Variants in CFTR observed in about 807,000 individuals in gnomAD.
CFTR encodes the protein CF transmembrane conductance regulator.
A neutral mutation model predicts 171.6 loss-of-function variants in CFTR; 181 were observed. That is an observed-to-expected ratio of 1.05 (90% CI 0.93 to 1.19). The LOEUF is 1.19. Ranked by LOEUF, CFTR falls within the 50% of genes most tolerant of loss-of-function variation. The probability of loss-of-function intolerance (pLI) is 0.00; values close to 1 mark genes in which losing one functional copy is unlikely to be tolerated. For missense variants in CFTR, 1,968 were observed against 1,734.7 expected, an observed-to-expected ratio of 1.13 and a Z score of -2.39; for synonymous variants, 583 against 608.0, an observed-to-expected ratio of 0.96 and a Z score of 0.60.
intron 23 of CFTR, among the ~76,000 whole-genome samples, chr7:117,648,459 C>T (rs1793031400): frequency 1.3e-5 from 2 of 152,018 alleles, no homozygotes; most frequent in Admixed American, 6.6e-5. Context: ...AGTAATGGTG[C>T]TCTTATTTTT....
At chr7:117,524,609 T>G (rs894000530) in intron 3 of CFTR, among the ~76,000 whole-genome samples, 1 of 152,218 alleles carries the variant, frequency 6.6e-6, no homozygotes, top group Non-Finnish European at 1.5e-5. Context: ...TACATTTTCC[T>G]AATTTAAAAA....
chr7:117,664,627 A>T, intron 24 of CFTR, 61 bp from the exon 25 acceptor site: 1 of 1,469,950 alleles, frequency 6.8e-7, no homozygotes, highest in Non-Finnish European at 9.5e-7. Flanking sequence ...TTATTTTTAG[A>T]ATGTCAACTG....
intron 20 of CFTR, among the ~76,000 whole-genome samples, chr7:117,613,445 C>T (rs2116092588): frequency 6.6e-6 from 1 of 152,224 alleles, no homozygotes. Context: ...ACTATCTAAG[C>T]CCCTCATTTT....
intron 22 of CFTR, among the ~76,000 whole-genome samples, chr7:117,635,730 A>G (rs1216051126): frequency 6.6e-6 from 1 of 152,070 alleles, no homozygotes; most frequent in Non-Finnish European, 1.5e-5. Flanking sequence ...AGTACCTTTT[A>G]ATAATAAAAC....
chr7:117,624,996 G>A (rs1399281831), intron 21 of CFTR, among the ~76,000 whole-genome samples: 2 of 152,128 alleles, frequency 1.3e-5, no homozygotes, highest in Non-Finnish European at 2.9e-5. Flanking sequence ...ACAAGGAATT[G>A]GTTAGTAATT....
intron 8 of CFTR, among the ~76,000 whole-genome samples, chr7:117,540,778 G>A (rs946585190): frequency 6.6e-6 from 1 of 151,066 alleles, no homozygotes; most frequent in Non-Finnish European, 1.5e-5. Context: ...TGAGAGAGAA[G>A]GGTGAGCCAC....
At position 117,668,134 on chromosome 7, in the gene CFTR, AAG is replaced by A. The variant is rs139314714; in HGVS notation, c.*1032_*1033del. On this transcript the variant is annotated 3_prime_UTR_variant, in exon 27 of 27. Transcript: ENST00000003084. ...GTATGTACTTCATGCTGTCTACACT[AAG>A]AGAGAATGAGAGACACACTGAAGAA... The A allele has an allele frequency of 2.4e-4, 36 of 152,298 alleles. No homozygotes were observed. The highest frequency in any genetic ancestry group is 6.7e-4 in the African/African-American group (28 of 41,556). The allele number at this position is 152,298 out of a possible 1,614,324, so 9.4% of individuals were successfully genotyped here.
At chr7:117,494,742 T>C (rs1354888698) in intron 1 of CFTR, among the ~76,000 whole-genome samples, 1 of 152,094 alleles carries the variant, frequency 6.6e-6, no homozygotes, top group Non-Finnish European at 1.5e-5. Flanking sequence ...ATGGAATAAT[T>C]ATAAAATAAA....
intron 3 of CFTR, among the ~76,000 whole-genome samples, chr7:117,529,611 T>C (rs868615599): frequency 3.3e-5 from 5 of 151,942 alleles, no homozygotes; most frequent in Admixed American, 1.3e-4. Context: ...AAGCACAGAA[T>C]GAGCAGCTAC....
At chr7:117,543,364 G>A (rs1449953762) in intron 9 of CFTR, among the ~76,000 whole-genome samples, 1 of 152,094 alleles carries the variant, frequency 6.6e-6, no homozygotes, top group Non-Finnish European at 1.5e-5. Flanking sequence ...GTCTTCGTCG[G>A]CATGAAGGAA....
rs1800098 is a variant in CFTR at position 117,590,400 on chromosome 7, G to C, written c.1727G>C (p.Gly576Ala). 6.8e-3 allele frequency: 10,905 copies of C among 1,602,812 alleles called. 52 individuals carry two copies. Among genetic ancestry groups the C allele is most frequent in the Non-Finnish European group, 8.3e-3 (9,706 of 1,172,048 alleles). ...ADLYLLDSPF[G>A]YLDVLTEKEI... ...TTGTATTTATTAGACTCTCCTTTTG[G>C]ATACCTAGATGTTTTAACAGAAAAA... Residue 576 changes from glycine (G) to alanine (A), a missense_variant, in exon 13 of 27, where the codon GGA becomes GCA. Coordinates refer to ENST00000003084, the MANE Select transcript of CFTR (RefSeq NM_000492.4).
chr7:117,617,958 C>G (rs1426311562), intron 21 of CFTR, among the ~76,000 whole-genome samples: 1 of 152,116 alleles, frequency 6.6e-6, no homozygotes, highest in Non-Finnish European at 1.5e-5. Context: ...CCCCATAACT[C>G]AGGATCAACA....
At chr7:117,612,511 T>C (rs1380023762) in intron 20 of CFTR, among the ~76,000 whole-genome samples, 1 of 152,152 alleles carries the variant, frequency 6.6e-6, no homozygotes, top group Non-Finnish European at 1.5e-5. Flanking sequence ...TAGGTAAATT[T>C]GTTTCTCTAA....
intron 18 of CFTR, 141 bp downstream of exon 18, chr7:117,606,894 C>T (rs1007132404): frequency 1.9e-5 from 13 of 685,702 alleles, no homozygotes; most frequent in Non-Finnish European, 2.6e-5. Flanking sequence ...TTATCCAAAG[C>T]CTTCAAAATA....
chr7:117,480,111 T>G lies in CFTR; in HGVS notation c.17T>G (p.Leu6Arg), dbSNP rs1327925872. 1 of 1,613,836 alleles carries G rather than the reference T, an allele frequency of 6.2e-7. No individual in the cohort carries two copies. Among genetic ancestry groups the G allele is most frequent in the Non-Finnish European group, 8.5e-7 (1 of 1,179,872 alleles). Residue 6 changes from leucine (L) to arginine (R), a missense_variant, in exon 1 of 27, where the codon CTG becomes CGG. By Grantham distance (102) the Leu-to-Arg change is moderately radical. Transcript: ENST00000003084. ...CGAGAGACCATGCAGAGGTCGCCTC[T>G]GGAAAAGGCCAGCGTTGTCTCCAAA... The part of the protein sequence containing the change: MQRSP[L>R]EKASVVSKLF...
intron 8 of CFTR, 134 bp downstream of exon 8, chr7:117,540,480 C>T: frequency 3.9e-6 from 3 of 760,012 alleles, no homozygotes; most frequent in Non-Finnish European, 6.3e-6. Context: ...ATAAAAGTTG[C>T]CAGCTAATAC....
At chr7:117,493,173 T>C (rs1206463380) in intron 1 of CFTR, among the ~76,000 whole-genome samples, 1 of 152,032 alleles carries the variant, frequency 6.6e-6, no homozygotes, top group African/African-American at 2.4e-5. Flanking sequence ...ATAAAAATTA[T>C]TTTCTCCAAA....
chr7:117,610,403 A>T, intron 18 of CFTR, 116 bp from the exon 19 acceptor site: 2 of 847,942 alleles, frequency 2.4e-6, no homozygotes, highest in African/African-American at 3.6e-5. Flanking sequence ...AATAAAAAAA[A>T]GTTTGAGGTG....
At chr7:117,620,810 A>G (rs777379462) in intron 21 of CFTR, among the ~76,000 whole-genome samples, 1 of 152,220 alleles carries the variant, frequency 6.6e-6, no homozygotes, top group Non-Finnish European at 1.5e-5. Flanking sequence ...CAGAATCTTT[A>G]TAAAAACACA....
Sources: gnomAD v4.1 joint callset for allele counts (sites outside exome capture counted in the v4.1 genomes callset) on GRCh38, gnomAD v4.1.1 for gene constraint, MANE v1.5 for transcripts, NCBI Gene and HGNC (gene_info 2026-07-23, HGNC 2026-07-21) for gene names.